Variants in CCM2 observed in about 807,000 individuals in gnomAD.
CCM2 encodes CCM2 scaffold protein.
Under a neutral mutation model 44.9 loss-of-function variants are expected in CCM2, and 25 were observed. The ratio of observed to expected loss-of-function variants is 0.56; its 90% CI spans 0.41 to 0.78. CCM2 has a LOEUF of 0.78. Among genes scored for constraint, CCM2 ranks in the 30% least tolerant of loss-of-function variants. The pLI is 0.00. For missense variants in CCM2, 481 were observed against 580.6 expected (o/e 0.83, Z 1.76); for synonymous variants, 219 against 241.1 (o/e 0.91, Z 0.85).
intron 2 of CCM2, among the ~76,000 whole-genome samples, chr7:45,046,232 C>T (rs1039555784): frequency 1.3e-5 from 2 of 152,084 alleles, no homozygotes; most frequent in African/African-American, 2.4e-5. Flanking sequence ...TGCAGTGGCA[C>T]GATCTTAAAT....
chr7:45,027,176 TA>T, intron 1 of CCM2: 2 of 221,176 alleles, frequency 9.0e-6, no homozygotes, highest in Non-Finnish European at 1.8e-5. Context: ...GGAATGGAGT[TA>T]TCTCTGTAAA....
chr7:45,074,178 CT>C (rs1799227160), intron 8 of CCM2, 91 bp from the exon 9 acceptor site: 1 of 1,595,078 alleles, frequency 6.3e-7, no homozygotes, highest in African/African-American at 1.3e-5. Context: ...AGCTGGTGCT[CT>C]GGCTGGGGTT....
chr7:45,021,328 C>T (rs762465484), intron 1 of CCM2, among the ~76,000 whole-genome samples: 50 of 151,988 alleles, frequency 3.3e-4, no homozygotes, highest in Middle Eastern at 3.4e-3. Flanking sequence ...TTTGGGAGGC[C>T]GAGGCGGGCG....
chr7:45,069,048 C>T (rs563193693), intron 5 of CCM2, among the ~76,000 whole-genome samples: 94 of 152,374 alleles, frequency 6.2e-4, no homozygotes, highest in Non-Finnish European at 1.1e-3. Flanking sequence ...TCCTCACAAC[C>T]TGGAAGAGCC....
At chr7:45,025,463 C>T (rs1285137120) in intron 1 of CCM2, among the ~76,000 whole-genome samples, 6 of 152,036 alleles carry the variant, frequency 3.9e-5, no homozygotes, top group East Asian at 1.9e-4. Context: ...TATTATTCTA[C>T]GAATTTTTTA....
Position 45,038,488 on chromosome 7 carries a change from C to T in CCM2, c.204+62C>T, listed in dbSNP as rs572574327. On this transcript the variant is annotated intron_variant, in intron 2 of 9. Coordinates refer to ENST00000258781, the MANE Select transcript of CCM2 (RefSeq NM_031443.4). ...CGACAGTGACGGTCATGCTTGTATC[C>T]ACCAGACACTCTTGAGTTTATAAGA... is the stretch of plus-strand genomic sequence containing the variant. The T allele has an allele frequency of 4.9e-5, 76 of 1,542,072 alleles. 1 individual carries two copies. The highest frequency in any genetic ancestry group is 2.8e-4 in the Admixed American group (17 of 59,924).
At chr7:45,065,832 T>C (rs575958845) in intron 4 of CCM2, among the ~76,000 whole-genome samples, 26 of 152,300 alleles carry the variant, frequency 1.7e-4, no homozygotes, top group Admixed American at 1.6e-3. Context: ...CTTAGAAGGC[T>C]GGGTTGGTGG....
chr7:45,018,592 C>T (rs1415223569), intron 1 of CCM2, among the ~76,000 whole-genome samples: 6 of 152,092 alleles, frequency 3.9e-5, no homozygotes, highest in South Asian at 2.1e-4. Context: ...AACTCCTGAC[C>T]TCCAGTGATC....
intron 2 of CCM2, among the ~76,000 whole-genome samples, chr7:45,060,520 A>T (rs570185650): frequency 2.0e-5 from 3 of 152,050 alleles, no homozygotes; most frequent in Non-Finnish European, 4.4e-5. Context: ...AGCTCTCATT[A>T]CTCCAAATAG....
intron 1 of CCM2, among the ~76,000 whole-genome samples, chr7:45,006,056 G>C (rs956820435): frequency 3.3e-5 from 5 of 152,220 alleles, no homozygotes; most frequent in Non-Finnish European, 7.3e-5. Context: ...TGAGCCTGTG[G>C]CTGCAGAGCA....
At chr7:45,009,039 C>T (rs531344428) in intron 1 of CCM2, among the ~76,000 whole-genome samples, 4 of 152,208 alleles carry the variant, frequency 2.6e-5, no homozygotes, top group South Asian at 2.1e-4. Context: ...ACGGTGCTCA[C>T]GCCTCTAATC....
intron 1 of CCM2, among the ~76,000 whole-genome samples, chr7:45,021,856 T>A (rs1417926166): frequency 6.6e-6 from 1 of 152,206 alleles, no homozygotes; most frequent in African/African-American, 2.4e-5. Flanking sequence ...CTCACAGTTT[T>A]GCACACTGTG....
chr7:45,000,923 T>C (rs1001538670), intron 1 of CCM2, among the ~76,000 whole-genome samples: 1 of 152,248 alleles, frequency 6.6e-6, no homozygotes, highest in African/African-American at 2.4e-5. Flanking sequence ...AAAATGTGGC[T>C]TTAATTACAG....
chr7:45,029,505 A>G (rs1471560394), intron 1 of CCM2: 2 of 152,230 alleles, frequency 1.3e-5, no homozygotes, highest in Non-Finnish European at 2.9e-5. Context: ...GAATGCAGCT[A>G]GAAGGTATAG....
In CCM2 at chr7:45,005,921, T is replaced by G. The variant is rs144486270; in HGVS notation, c.30+5558T>G. ...AGTCCTTGGGCTGGGAAGTTGGGTG[T>G]TGGTTCTGTATGCACTTGAAGCCAC... is the stretch of plus-strand genomic sequence containing the variant. On this transcript the variant is annotated intron_variant, in intron 1 of 9. Transcript: ENST00000258781. Among the ~76,000 whole-genome samples, 1,127 of 152,300 alleles carry G rather than the reference T, an allele frequency of 7.4e-3. 5 individuals carry two copies. The highest frequency in any genetic ancestry group is 0.012 in the Admixed American group (185 of 15,296).
intron 1 of CCM2, chr7:45,027,833 A>G (rs1002714055): frequency 1.9e-6 from 3 of 1,609,216 alleles, no homozygotes. Context: ...CGCCATTTAG[A>G]ATGATGATGG....
chr7:45,005,036 C>T (rs1459672411), intron 1 of CCM2, among the ~76,000 whole-genome samples: 4 of 150,528 alleles, frequency 2.7e-5, no homozygotes, highest in Admixed American at 6.6e-5. Flanking sequence ...CCCACTAAAC[C>T]GATTCTATAA....
chr7:45,033,383 C>A (rs1797060308), intron 1 of CCM2, among the ~76,000 whole-genome samples: 1 of 152,148 alleles, frequency 6.6e-6, no homozygotes, highest in Non-Finnish European at 1.5e-5. Flanking sequence ...TTGGTGTGGG[C>A]TTCTTGGTTA....
chr7:45,072,700 C>G (rs1310125763), intron 6 of CCM2, 26 bp from the exon 7 acceptor site: 5 of 1,594,058 alleles, frequency 3.1e-6, no homozygotes, highest in Middle Eastern at 3.5e-4. Flanking sequence ...TGAAAGTCAT[C>G]TTAGTTTTCT....
Sources: gnomAD v4.1 joint callset for allele counts (sites outside exome capture counted in the v4.1 genomes callset) on GRCh38, gnomAD v4.1.1 for gene constraint, MANE v1.5 for transcripts, NCBI Gene and HGNC (gene_info 2026-07-23, HGNC 2026-07-21) for gene names.